The following ABCC4 variants were observed in gnomAD, a reference collection of about 807,000 sequenced individuals.
ABCC4 encodes the protein ATP binding cassette subfamily C member 4 (PEL blood group).
Under a neutral mutation model 168.5 loss-of-function variants are expected in ABCC4, and 102 were observed. That is an observed-to-expected ratio of 0.61 (90% CI 0.52 to 0.71). The LOEUF (loss-of-function observed/expected upper bound fraction) is 0.71. Ranked by LOEUF, ABCC4 falls within the 30% of genes least tolerant of loss-of-function variation. The pLI, the probability that ABCC4 is intolerant of heterozygous loss-of-function variation, is 0.00. For missense variants in ABCC4, 1,402 were observed against 1,605.8 expected, an observed-to-expected ratio of 0.87 and a Z score of 2.17; for synonymous variants, 617 against 590.7, an observed-to-expected ratio of 1.04 and a Z score of -0.65.
chr13:95,244,663 A>AAG (rs58896948), intron 3 of ABCC4, among the ~76,000 whole-genome samples: 910 of 20,378 alleles, frequency 0.045, 315 homozygotes, highest in Non-Finnish European at 0.076. Flanking sequence ...GAAAGAAAGA[A>AAG]AGAAAGAAAT....
intron 20 of ABCC4, among the ~76,000 whole-genome samples, chr13:95,106,619 G>C (rs2035015026): frequency 6.6e-6 from 1 of 152,020 alleles, no homozygotes; most frequent in Non-Finnish European, 1.5e-5. Flanking sequence ...ATTAGCCCCA[G>C]TATATCTACA....
At chr13:95,154,971 G>A (rs543791418) in intron 19 of ABCC4, among the ~76,000 whole-genome samples, 10 of 152,222 alleles carry the variant, frequency 6.6e-5, no homozygotes. Context: ...AAGGAAGTGG[G>A]ATATGGACAT....
intron 26 of ABCC4, among the ~76,000 whole-genome samples, chr13:95,056,230 A>C (rs1169575378): frequency 1.3e-5 from 2 of 152,196 alleles, no homozygotes; most frequent in African/African-American, 2.4e-5. Flanking sequence ...GTAGCTAGCC[A>C]CAACTGCTGC....
intron 1 of ABCC4, among the ~76,000 whole-genome samples, chr13:95,275,903 T>C (rs1470213474): frequency 6.6e-6 from 1 of 152,208 alleles, no homozygotes; most frequent in Non-Finnish European, 1.5e-5. Context: ...ACTCTGTCAA[T>C]GGGATAGATT....
chr13:95,184,084 C>T (rs1009574706), intron 11 of ABCC4, among the ~76,000 whole-genome samples: 2 of 152,366 alleles, frequency 1.3e-5, no homozygotes, highest in East Asian at 3.9e-4. Flanking sequence ...AGTCGCCATG[C>T]AGCCCAGCCC....
intron 29 of ABCC4, among the ~76,000 whole-genome samples, chr13:95,038,738 T>TA (rs2032232755): frequency 6.6e-6 from 1 of 152,156 alleles, no homozygotes; most frequent in Non-Finnish European, 1.5e-5. Flanking sequence ...GCACACTGCC[T>TA]AAAAGTTAAA....
intron 8 of ABCC4, among the ~76,000 whole-genome samples, chr13:95,201,834 A>T (rs1448688471): frequency 6.6e-6 from 1 of 152,146 alleles, no homozygotes; most frequent in East Asian, 1.9e-4. Flanking sequence ...TTAGCTGGAC[A>T]TGGTGGCTCA....
rs370513324 is a variant in ABCC4 at position 95,280,402 on chromosome 13, G to C, written c.74+20839C>G. Among the ~76,000 whole-genome samples the C allele has an allele frequency of 3.6e-3, 464 of 129,798 alleles. 4 individuals carry two copies. Among genetic ancestry groups the C allele is most frequent in the African/African-American group, 0.012 (423 of 34,960 alleles). 85.2% of individuals were successfully genotyped at this position (129,798 alleles called of 152,430 possible). On this transcript the variant is annotated intron_variant, in intron 1 of 30. Coordinates refer to ENST00000645237, the MANE Select transcript of ABCC4 (RefSeq NM_005845.5). ...ACTGCACTCCAGCCTGGGTGACAGA[G>C]TGAGACTCCATCTCAAAAAAAAAAA...
chr13:95,179,366 A>G (rs772538595), intron 11 of ABCC4, among the ~76,000 whole-genome samples: 3 of 152,240 alleles, frequency 2.0e-5, no homozygotes, highest in Non-Finnish European at 2.9e-5. Context: ...CAGAGTGCTC[A>G]TGAGACACTG....
At chr13:95,068,436 C>T (rs982923491) in intron 25 of ABCC4, among the ~76,000 whole-genome samples, 1 of 152,160 alleles carries the variant, frequency 6.6e-6, no homozygotes, top group Non-Finnish European at 1.5e-5. Context: ...ACCAGCCTGA[C>T]CAACATGGTG....
At chr13:95,238,279 G>C (rs2039834939) in intron 3 of ABCC4, among the ~76,000 whole-genome samples, 1 of 150,878 alleles carries the variant, frequency 6.6e-6, no homozygotes, top group East Asian at 1.9e-4. Flanking sequence ...GAAGAAAAAA[G>C]GTGAATCTGG....
chr13:95,083,041 G>A, intron 21 of ABCC4, 99 bp downstream of exon 21: 1 of 1,345,384 alleles, frequency 7.4e-7, no homozygotes, highest in Non-Finnish European at 1.0e-6. Flanking sequence ...GAGAAATTCT[G>A]GAAGACAGAG....
In ABCC4 at chr13:95,163,629, C is replaced by A; in HGVS notation, c.2194G>T (p.Asp732Tyr). The A allele has an allele frequency of 6.2e-7, 1 of 1,612,486 alleles. No individual in the cohort carries two copies. Residue 732 changes from aspartate (D) to tyrosine (Y), a missense_variant, in exon 17 of 31, where the codon GAT becomes TAT. Physicochemically the swap from Asp to Tyr is radical, Grantham distance 160. Coordinates refer to ENST00000645237, the MANE Select transcript of ABCC4 (RefSeq NM_005845.5). ...ACTTACCAGTATGAAAGCCACCAAT[C>A]TTGAAGCACATAGGCAACCTAGGAG... ...TAAQVAYVLQDWWLSYWANKQ... is the reference protein window; with the variant it reads ...TAAQVAYVLQYWWLSYWANKQ...
chr13:95,237,700 G>A (rs900972610), intron 3 of ABCC4, among the ~76,000 whole-genome samples: 1 of 152,062 alleles, frequency 6.6e-6, no homozygotes, highest in Non-Finnish European at 1.5e-5. Flanking sequence ...ACATGTCTAG[G>A]CCCAGCGGGC....
At chr13:95,053,812 A>C (rs2032939351) in intron 26 of ABCC4, 1 of 152,584 alleles carries the variant, frequency 6.6e-6, no homozygotes, top group Non-Finnish European at 1.5e-5. Flanking sequence ...CCCTGTCTCT[A>C]CTAAAAATAC....
At chr13:95,076,262 G>T (rs552719297) in intron 21 of ABCC4, among the ~76,000 whole-genome samples, 1 of 152,142 alleles carries the variant, frequency 6.6e-6, no homozygotes, top group Non-Finnish European at 1.5e-5. Flanking sequence ...TCCAGGAACC[G>T]GACAGATGTT....
intron 11 of ABCC4, among the ~76,000 whole-genome samples, chr13:95,184,720 AT>A: frequency 6.6e-6 from 1 of 152,214 alleles, no homozygotes; most frequent in Non-Finnish European, 1.5e-5. Context: ...TCATAGAGAA[AT>A]GATGGAAGAA....
Position 95,073,195 on chromosome 13 carries a change from A to G in ABCC4, c.3018+9T>C. ...TTGAAAAGGCAAAGAACGTGAAGGT[A>G]AATATTACCATATTCTCAACTTCAG... On this transcript the variant is annotated intron_variant, in intron 24 of 30. Coordinates refer to ENST00000645237, the MANE Select transcript of ABCC4 (RefSeq NM_005845.5). 1 of 1,605,048 alleles carries G rather than the reference A, an allele frequency of 6.2e-7. No individual in the cohort carries two copies. Among genetic ancestry groups the G allele is most frequent in the East Asian group, 2.2e-5 (1 of 44,788 alleles).
At chr13:95,049,306 C>T (rs943401876) in intron 27 of ABCC4, among the ~76,000 whole-genome samples, 4 of 151,340 alleles carry the variant, frequency 2.6e-5, no homozygotes, top group African/African-American at 7.3e-5. Context: ...TGCACTCCAG[C>T]CTGGGCGACA....
Sources: gnomAD v4.1 joint callset for allele counts (sites outside exome capture counted in the v4.1 genomes callset) on GRCh38, gnomAD v4.1.1 for gene constraint, MANE v1.5 for transcripts, NCBI Gene and HGNC (gene_info 2026-07-23, HGNC 2026-07-21) for gene names.